The following CLMN variants were observed in gnomAD, a reference collection of about 807,000 sequenced individuals.
CLMN encodes the protein calmin (calponin-like, transmembrane).
CLMN carries 57 observed loss-of-function variants against 92.7 expected under a neutral mutation model. The ratio of observed to expected loss-of-function variants is 0.61; its 90% CI spans 0.50 to 0.77. CLMN has a LOEUF of 0.77. CLMN is among the 30% of genes least tolerant of loss of function. CLMN has a pLI of 0.00. For missense variants in CLMN, 1,158 were observed against 1,237.5 expected, an observed-to-expected ratio of 0.94 and a Z score of 0.96; for synonymous variants, 466 against 470.6, an observed-to-expected ratio of 0.99 and a Z score of 0.13.
chr14:95,268,496 G>A (rs926390266), intron 1 of CLMN, among the ~76,000 whole-genome samples: 3 of 152,096 alleles, frequency 2.0e-5, no homozygotes, highest in Non-Finnish European at 4.4e-5. Context: ...TGGGGGTAGT[G>A]ACTGAGAAGG....
chr14:95,215,562 A>C, intron 5 of CLMN, 79 bp downstream of exon 5: 3 of 1,242,152 alleles, frequency 2.4e-6, no homozygotes, highest in Non-Finnish European at 3.6e-6. Context: ...GCCTCCCTTA[A>C]TCTGGCCCCA....
intron 1 of CLMN, among the ~76,000 whole-genome samples, chr14:95,291,294 C>A (rs1595101310): frequency 6.6e-6 from 1 of 152,190 alleles, no homozygotes; most frequent in Non-Finnish European, 1.5e-5. Flanking sequence ...GAAATGGGAG[C>A]CAGGCAGCCT....
chr14:95,257,695 G>A (rs144875532), intron 1 of CLMN, among the ~76,000 whole-genome samples: 400 of 152,274 alleles, frequency 2.6e-3, no homozygotes, highest in African/African-American at 9.1e-3. Flanking sequence ...TGCGGGGTGC[G>A]GAGCTACCAT....
In CLMN at chr14:95,223,871, GA is replaced by G; in HGVS notation, c.145-17del. The G allele has an allele frequency of 6.3e-7, 1 of 1,575,116 alleles. No individual in the cohort carries two copies. Among genetic ancestry groups the G allele is most frequent in the Non-Finnish European group, 8.7e-7 (1 of 1,149,080 alleles). On this transcript the variant is annotated splice_polypyrimidine_tract_variant and intron_variant, in intron 2 of 12. Transcript: ENST00000298912. ...GTGGGTTGCACTTTGAAAGAGAAGG[GA>G]AGAAAGTAGCCAATTAGCAACCTGT...
chr14:95,218,967 G>A (rs551052625), intron 4 of CLMN, among the ~76,000 whole-genome samples: 4 of 152,120 alleles, frequency 2.6e-5, no homozygotes, highest in Non-Finnish European at 5.9e-5. Flanking sequence ...GTCCTTCCCC[G>A]ACTCAGCTGT....
At chr14:95,284,920 A>G (rs1401060982) in intron 1 of CLMN, among the ~76,000 whole-genome samples, 2 of 152,124 alleles carry the variant, frequency 1.3e-5, no homozygotes, top group Non-Finnish European at 2.9e-5. Context: ...GAGATCTGGG[A>G]GGGGCCATGG....
At chr14:95,260,843 T>G (rs1354576939) in intron 1 of CLMN, among the ~76,000 whole-genome samples, 1 of 152,134 alleles carries the variant, frequency 6.6e-6, no homozygotes, top group African/African-American at 2.4e-5. Context: ...AGTATGATAT[T>G]CTATGAAGTT....
chr14:95,210,960 C>T (rs1182422815), intron 6 of CLMN, 81 bp from the exon 7 acceptor site: 2 of 1,438,374 alleles, frequency 1.4e-6, no homozygotes, highest in African/African-American at 1.5e-5. Context: ...GCAGCAGCCG[C>T]GTGAGTTTTT....
At chr14:95,237,245 G>A (rs1898085647) in intron 1 of CLMN, among the ~76,000 whole-genome samples, 1 of 152,246 alleles carries the variant, frequency 6.6e-6, no homozygotes, top group Non-Finnish European at 1.5e-5. Context: ...CATGCACAGA[G>A]GCCCTGCAGA....
intron 1 of CLMN, among the ~76,000 whole-genome samples, chr14:95,292,021 C>T (rs1416026424): frequency 6.6e-6 from 1 of 152,240 alleles, no homozygotes. Flanking sequence ...CAAGGGTTGA[C>T]GTGTTCCCAC....
chr14:95,266,214 CA>C (rs1021815905), intron 1 of CLMN, among the ~76,000 whole-genome samples: 2 of 152,130 alleles, frequency 1.3e-5, no homozygotes, highest in African/African-American at 2.4e-5. Flanking sequence ...AGCAATTAGG[CA>C]AAAGAAAGAA....
intron 12 of CLMN, chr14:95,192,027 G>A: frequency 3.6e-6 from 1 of 275,652 alleles, no homozygotes; most frequent in South Asian, 9.5e-5. Flanking sequence ...TCGGGGTGGA[G>A]TGACTTGCCC....
chr14:95,275,139 C>T (rs141805928), intron 1 of CLMN, among the ~76,000 whole-genome samples: 1 of 152,072 alleles, frequency 6.6e-6, no homozygotes, highest in Non-Finnish European at 1.5e-5. Flanking sequence ...CTTGCGGTCT[C>T]GTATGAAGAC....
At position 95,210,667 on chromosome 14, in the gene CLMN, AAG is replaced by A; in HGVS notation, c.802+17_802+18del. ...TTGTAAAAAAAAATTATTAGAAAGA[AAG>A]AGAGAACCACTGCTACCTTCTGGCT... On this transcript the variant is annotated intron_variant, in intron 7 of 12. Transcript: ENST00000298912. 4 of 1,595,220 alleles carry A rather than the reference AAG, an allele frequency of 2.5e-6. No homozygotes were observed. Among genetic ancestry groups the A allele is most frequent in the South Asian group, 1.1e-5 (1 of 87,128 alleles).
intron 1 of CLMN, among the ~76,000 whole-genome samples, chr14:95,247,567 C>A (rs1477496507): frequency 6.6e-6 from 1 of 152,172 alleles, no homozygotes; most frequent in Non-Finnish European, 1.5e-5. Context: ...CTGACCCAGC[C>A]AACCCAGGAG....
chr14:95,198,895 T>G (rs1169854927), intron 9 of CLMN: 1 of 152,132 alleles, frequency 6.6e-6, no homozygotes, highest in African/African-American at 2.4e-5. Flanking sequence ...TTCATCATTT[T>G]ATTTTATTTA....
chr14:95,316,884 A>G (rs1484503270), intron 1 of CLMN, among the ~76,000 whole-genome samples: 3 of 152,204 alleles, frequency 2.0e-5, no homozygotes, highest in Non-Finnish European at 2.9e-5. Context: ...GCTGCTGCCT[A>G]CAGATGGAGG....
In CLMN at chr14:95,209,381, A is replaced by G; in HGVS notation, c.885+14T>C. On this transcript the variant is annotated intron_variant, in intron 8 of 12. Transcript: ENST00000298912. ...GTATGGTGTCGGAATTAAAGGTAAG[A>G]AAAGCAAACATACGGCTTCCAACTC... 1 of 1,613,260 alleles carries G rather than the reference A, an allele frequency of 6.2e-7. No homozygotes were observed. Among genetic ancestry groups the G allele is most frequent in the East Asian group, 2.2e-5 (1 of 44,856 alleles).
chr14:95,221,621 T>C, intron 4 of CLMN, 70 bp downstream of exon 4: 2 of 1,390,342 alleles, frequency 1.4e-6, no homozygotes, highest in Non-Finnish European at 2.0e-6. Flanking sequence ...CGACCAGCAC[T>C]GAACTTCAAA....
Sources: allele counts gnomAD v4.1 joint callset (sites outside exome capture counted in the v4.1 genomes callset), GRCh38; gene constraint gnomAD v4.1.1; transcripts MANE v1.5; gene names NCBI Gene and HGNC (gene_info 2026-07-23, HGNC 2026-07-21).